ZNF639: variants seen among roughly 807,000 people sequenced by gnomAD.
ZNF639 encodes the protein zinc finger protein 639, also known as zinc finger amplified in esophageal squamous cell carcinomas 1.
A neutral mutation model predicts 39.8 loss-of-function variants in ZNF639; 20 were observed. That is an observed-to-expected ratio of 0.50 (90% CI 0.35 to 0.73). The LOEUF (loss-of-function observed/expected upper bound fraction) is 0.73. Among genes scored for constraint, ZNF639 ranks in the 30% least tolerant of loss-of-function variants. ZNF639 has a pLI of 0.00. For synonymous variants in ZNF639, 176 were observed against 189.8 expected, an observed-to-expected ratio of 0.93 and a Z score of 0.60; for missense variants, 477 against 566.2, an observed-to-expected ratio of 0.84 and a Z score of 1.60.
chr3:179,332,949 TG>T, intron 4 of ZNF639, 39 bp from the exon 5 acceptor site: 1 of 1,506,712 alleles, frequency 6.6e-7, no homozygotes, highest in Middle Eastern at 1.7e-4. Flanking sequence ...ATGCTTTGAT[TG>T]TATAAATAAT....
At position 179,333,794 on chromosome 3, in the gene ZNF639, A is replaced by G; in HGVS notation, c.830A>G (p.Gln277Arg). The G allele has an allele frequency of 6.2e-7, 1 of 1,614,210 alleles. No individual in the cohort carries two copies. Among genetic ancestry groups the G allele is most frequent in the Non-Finnish European group, 8.5e-7 (1 of 1,180,032 alleles). Residue 277 changes from glutamine (Q) to arginine (R), a missense_variant, in exon 6 of 6, where the codon CAG becomes CGG. Physicochemically the swap from Gln to Arg is conservative, Grantham distance 43. Coordinates refer to ENST00000496856, the MANE Select transcript of ZNF639 (RefSeq NM_001303426.2). ...ACAGTAATTTTTGAGAACCTCAGCCAGCACATTGCAGACACCCATTTTAGT... is the reference window on the plus strand; with the variant it reads ...ACAGTAATTTTTGAGAACCTCAGCCGGCACATTGCAGACACCCATTTTAGT... ...YKTVIFENLSQHIADTHFSDH... is the reference protein window; with the variant it reads ...YKTVIFENLSRHIADTHFSDH...
rs1021033425 is a variant in ZNF639 at position 179,338,255 on chromosome 3, A to G, written c.*3833A>G. On this transcript the variant is annotated 3_prime_UTR_variant, in exon 6 of 6. Coordinates refer to ENST00000496856, the MANE Select transcript of ZNF639 (RefSeq NM_001303426.2). Reference sequence around the variant, plus strand: ...TGATGTTTATTAACACTTCAGTAGAATTCTTCGCAGCAGTGAACAGTAGTG... The same window carrying G: ...TGATGTTTATTAACACTTCAGTAGAGTTCTTCGCAGCAGTGAACAGTAGTG... 2 of 152,232 alleles carry G rather than the reference A, an allele frequency of 1.3e-5. No homozygotes were observed. Among genetic ancestry groups the G allele is most frequent in the Non-Finnish European group, 2.9e-5 (2 of 68,044 alleles). 9.4% of individuals were successfully genotyped at this position (152,232 alleles called of 1,614,324 possible). A position where few individuals can be genotyped will look rare whatever the true frequency, so the allele number is the denominator to read the frequency against.
intron 1 of ZNF639, among the ~76,000 whole-genome samples, chr3:179,324,771 A>G (rs898509433): frequency 1.3e-5 from 2 of 152,170 alleles, no homozygotes; most frequent in Non-Finnish European, 2.9e-5. Context: ...TCTTACTTTT[A>G]TTCTTCAAGT....
In ZNF639 at chr3:179,338,201, A is replaced by C. The variant is rs528116947; in HGVS notation, c.*3779A>C. ...TCACTGTATACTTGTGACTTGCACC[A>C]CAATTCAAGTCTGAGATTACCTAAC... On this transcript the variant is annotated 3_prime_UTR_variant, in exon 6 of 6. Coordinates refer to ENST00000496856, the MANE Select transcript of ZNF639 (RefSeq NM_001303426.2). The C allele has an allele frequency of 5.3e-5, 8 of 152,340 alleles. No homozygotes were observed. The East Asian group carries it at 1.5e-3, about 29-fold the overall frequency. 9.4% of individuals were successfully genotyped at this position (152,340 alleles called of 1,614,324 possible). A position where few individuals can be genotyped will look rare whatever the true frequency, so the allele number is the denominator to read the frequency against.
At position 179,328,091 on chromosome 3, in the gene ZNF639, T is replaced by G. The variant is rs1727698316; in HGVS notation, c.-11-192T>G. 7.3e-6 allele frequency: 3 copies of G among 409,316 alleles called. No individual in the cohort carries two copies. In the South Asian group the frequency reaches 1.3e-4, roughly 17 times the overall value. 25.4% of individuals were successfully genotyped at this position (409,316 alleles called of 1,614,324 possible). ...GTAAGAAAGAAAACAGAAATCAGTT[T>G]CTGCCTTGAAACCTGACTGGAAAAC... On this transcript the variant is annotated intron_variant, in intron 2 of 5. Transcript: ENST00000496856.
chr3:179,331,267 T>C (rs1490631782), intron 4 of ZNF639, among the ~76,000 whole-genome samples: 1 of 152,176 alleles, frequency 6.6e-6, no homozygotes, highest in East Asian at 1.9e-4. Flanking sequence ...CATGAATTCA[T>C]GCTGTTATAA....
chr3:179,334,515 T>C lies in ZNF639; in HGVS notation c.*93T>C, dbSNP rs1340958166. 1.3e-5 allele frequency: 13 copies of C among 990,188 alleles called. No individual in the cohort carries two copies. The highest frequency in any genetic ancestry group is 8.7e-5 in the East Asian group (3 of 34,438). The allele number at this position is 990,188 out of a possible 1,614,324, so 61.3% of individuals were successfully genotyped here. A position where few individuals can be genotyped will look rare whatever the true frequency, so the allele number is the denominator to read the frequency against. On this transcript the variant is annotated 3_prime_UTR_variant, in exon 6 of 6. Transcript: ENST00000496856. ...AATGGATGATTGTAAACACAACTTA[T>C]GAAATCTGCCTTTAACAAGTAACTT... is the stretch of plus-strand genomic sequence containing the variant.
At chr3:179,324,028 A>G (rs1324676600) in intron 1 of ZNF639, among the ~76,000 whole-genome samples, 1 of 152,194 alleles carries the variant, frequency 6.6e-6, no homozygotes, top group Admixed American at 6.5e-5. Context: ...CACGTTGGAC[A>G]TGTAGTGGAT....
Position 179,333,328 on chromosome 3 carries a change from C to A in ZNF639, c.364C>A (p.Gln122Lys). ...EECDSPESVN[Q>K]QTQEESPIEV... ...GTGTGACTCACCTGAATCAGTCAAC[C>A]AGCAAACCCAAGAGGAGAGTCCTAT... The change falls in exon 6 of 6, where the codon CAG becomes AAG. Residue 122 changes from glutamine (Q) to lysine (K), a missense_variant. Transcript: ENST00000496856. The A allele has an allele frequency of 6.2e-7, 1 of 1,613,506 alleles. No individual in the cohort carries two copies. Among genetic ancestry groups the A allele is most frequent in the Non-Finnish European group, 8.5e-7 (1 of 1,179,838 alleles).
chr3:179,326,600 T>C (rs1727605162), intron 1 of ZNF639, among the ~76,000 whole-genome samples: 1 of 151,948 alleles, frequency 6.6e-6, no homozygotes, highest in South Asian at 2.1e-4. Flanking sequence ...TATTATCACT[T>C]TTACTTTTTT....
At position 179,333,828 on chromosome 3, in the gene ZNF639, C is replaced by G; in HGVS notation, c.864C>G (p.Leu288=). The part of the protein sequence containing the change: ...HIADTHFSDH[L]YWCEQCDVQF... ...CAGACACCCATTTTAGTGATCACCTCTATTGGTGTGAACAGTGTGATGTAC... is the reference window on the plus strand; with the variant it reads ...CAGACACCCATTTTAGTGATCACCTGTATTGGTGTGAACAGTGTGATGTAC... Residue 288 remains leucine (L), a synonymous_variant, in exon 6 of 6, where the codon CTC becomes CTG. Coordinates refer to ENST00000496856, the MANE Select transcript of ZNF639 (RefSeq NM_001303426.2). The G allele has an allele frequency of 6.2e-7, 1 of 1,614,188 alleles. No individual in the cohort carries two copies. The highest frequency in any genetic ancestry group is 8.5e-7 in the Non-Finnish European group (1 of 1,180,046).
chr3:179,326,712 G>A (rs185151135), intron 1 of ZNF639, among the ~76,000 whole-genome samples: 4 of 151,452 alleles, frequency 2.6e-5, no homozygotes, highest in East Asian at 4.0e-4. Flanking sequence ...GTAGCCCTCC[G>A]CCTCCCAGGT....
At chr3:179,323,641 C>G (rs1727410259) in intron 1 of ZNF639, 2 of 152,868 alleles carry the variant, frequency 1.3e-5, no homozygotes, top group African/African-American at 4.8e-5. Flanking sequence ...GACTTCTGCC[C>G]TGCGCCTCCG....
At chr3:179,324,134 C>G (rs941868989) in intron 1 of ZNF639, among the ~76,000 whole-genome samples, 2 of 152,164 alleles carry the variant, frequency 1.3e-5, no homozygotes, top group African/African-American at 4.8e-5. Flanking sequence ...GAAAGCTTAA[C>G]TCTTTTTAAA....
At chr3:179,332,288 A>C (rs528074376) in intron 4 of ZNF639, among the ~76,000 whole-genome samples, 67 of 152,334 alleles carry the variant, frequency 4.4e-4, no homozygotes, top group South Asian at 8.3e-4. Context: ...TTTTTCTGTA[A>C]TTCTAAAACT....
At position 179,323,088 on chromosome 3, in the gene ZNF639, A is replaced by G. The variant is rs1727369660; in HGVS notation, c.-286A>G. On this transcript the variant is annotated 5_prime_UTR_variant, in exon 1 of 6. Coordinates refer to ENST00000496856, the MANE Select transcript of ZNF639 (RefSeq NM_001303426.2). ...CCAGGGCAGTGCGGCCGCGGAGCCT[A>G]GGCCAGGGGCCTGGCGCTCAGGGCG... 4 of 984,722 alleles carry G rather than the reference A, an allele frequency of 4.1e-6. No homozygotes were observed. Among genetic ancestry groups the G allele is most frequent in the Admixed American group, 1.2e-4 (2 of 16,172 alleles). 61.0% of individuals were successfully genotyped at this position (984,722 alleles called of 1,614,324 possible).
Position 179,334,525 on chromosome 3 carries a change from C to T in ZNF639, c.*103C>T, listed in dbSNP as rs1334761852. 1 of 846,084 alleles carries T rather than the reference C, an allele frequency of 1.2e-6. No individual in the cohort carries two copies. The highest frequency in any genetic ancestry group is 1.7e-6 in the Non-Finnish European group (1 of 599,766). 52.4% of individuals were successfully genotyped at this position (846,084 alleles called of 1,614,324 possible). On this transcript the variant is annotated 3_prime_UTR_variant, in exon 6 of 6. Transcript: ENST00000496856. ...TGTAAACACAACTTATGAAATCTGCCTTTAACAAGTAACTTTTTTAAATTA... is the reference window on the plus strand; with the variant it reads ...TGTAAACACAACTTATGAAATCTGCTTTTAACAAGTAACTTTTTTAAATTA...
intron 1 of ZNF639, among the ~76,000 whole-genome samples, chr3:179,326,471 T>C (rs1727598440): frequency 6.6e-6 from 1 of 152,232 alleles, no homozygotes; most frequent in Non-Finnish European, 1.5e-5. Flanking sequence ...GTTTCCTCAA[T>C]AACAGGAACT....
At chr3:179,331,775 CAAAA>C (rs56708873) in intron 4 of ZNF639, among the ~76,000 whole-genome samples, 3 of 80,554 alleles carry the variant, frequency 3.7e-5, no homozygotes, top group South Asian at 4.4e-4. Flanking sequence ...AACTCCATCT[CAAAA>C]AAAAAAAAAA....
Sources: gnomAD v4.1 joint callset for allele counts (sites outside exome capture counted in the v4.1 genomes callset) on GRCh38, gnomAD v4.1.1 for gene constraint, MANE v1.5 for transcripts, NCBI Gene and HGNC (gene_info 2026-07-23, HGNC 2026-07-21) for gene names.